Variants in STRN observed in about 807,000 individuals in gnomAD.
STRN encodes striatin.
Under a neutral mutation model 96.3 loss-of-function variants are expected in STRN, and 53 were observed. The ratio of observed to expected loss-of-function variants is 0.55; its 90% confidence interval spans 0.44 to 0.69. The LOEUF (loss-of-function observed/expected upper bound fraction) is 0.69, where lower values mean the gene tolerates loss of function less well. Ranked by LOEUF, STRN falls within the 30% of genes least tolerant of loss-of-function variation. The pLI is 0.00. For synonymous variants in STRN, 428 were observed against 355.9 expected, an observed-to-expected ratio of 1.20 and a Z score of -2.28; for missense variants, 987 against 963.9, an observed-to-expected ratio of 1.02 and a Z score of -0.32.
chr2:36,929,392 T>C (rs899300764), intron 1 of STRN, among the ~76,000 whole-genome samples: 7 of 152,136 alleles, frequency 4.6e-5, no homozygotes, highest in African/African-American at 1.4e-4. Context: ...CACCCCTTTT[T>C]TTTTCTTTTG....
intron 11 of STRN, among the ~76,000 whole-genome samples, chr2:36,868,713 C>A (rs1193164498): frequency 6.6e-6 from 1 of 152,176 alleles, no homozygotes; most frequent in Admixed American, 6.5e-5. Context: ...CTATGTATGA[C>A]ACAGCATGAA....
chr2:36,922,370 T>C (rs1670283279), intron 2 of STRN, among the ~76,000 whole-genome samples: 1 of 151,698 alleles, frequency 6.6e-6, no homozygotes, highest in African/African-American at 2.4e-5. Flanking sequence ...AATTAAAAAT[T>C]TATCTGTGTG....
rs193259935 is a variant in STRN at position 36,868,054 on chromosome 2, A to G, written c.1500-193T>C. ...CAAGAAACAAGATTCTTGTTTAGTAATAATATCATGTTACAGTATTTTTAG... is the reference window on the plus strand; with the variant it reads ...CAAGAAACAAGATTCTTGTTTAGTAGTAATATCATGTTACAGTATTTTTAG... On this transcript the variant is annotated intron_variant, in intron 11 of 17. Coordinates refer to ENST00000263918, the MANE Select transcript of STRN (RefSeq NM_003162.4). 1.6e-3 allele frequency among the ~76,000 whole-genome samples: 248 copies of G among 152,356 alleles called. 1 individual carries two copies. The highest frequency in any genetic ancestry group is 3.0e-3 in the Non-Finnish European group (201 of 68,018).
intron 1 of STRN, among the ~76,000 whole-genome samples, chr2:36,956,391 T>C (rs1386867851): frequency 6.6e-6 from 1 of 152,312 alleles, no homozygotes; most frequent in Middle Eastern, 3.4e-3. Flanking sequence ...ATGAAAGTGA[T>C]AGAGATGTCT....
chr2:36,905,580 T>C lies in STRN; in HGVS notation c.451A>G (p.Ser151Gly). Residue 151 changes from serine to glycine, a missense_variant, in exon 4 of 18, where the codon AGC (serine) becomes GGC (glycine). Physicochemically the swap from Ser to Gly is moderately conservative, Grantham distance 56 (BLOSUM62 0). Coordinates refer to ENST00000263918, the MANE Select transcript of STRN (RefSeq NM_003162.4). Reference sequence around the variant, plus strand: ...CGACCTTGTTTCCACATTAACTGGCTGTTTTGTTGTGGCTGCACTTCTGTT... The same window carrying C: ...CGACCTTGTTTCCACATTAACTGGCCGTTTTGTTGTGGCTGCACTTCTGTT... ...NETEVQPQQN[S>G]QLMWKQGRQL... is the part of the protein sequence containing the mutation. 1 of 1,613,492 alleles carries C rather than the reference T, an allele frequency of 6.2e-7. No homozygotes were observed. The highest frequency in any genetic ancestry group is 8.5e-7 in the Non-Finnish European group (1 of 1,179,910).
intron 2 of STRN, among the ~76,000 whole-genome samples, chr2:36,916,418 C>T (rs1306634627): frequency 1.3e-5 from 2 of 150,886 alleles, no homozygotes; most frequent in East Asian, 1.9e-4. Context: ...ACAAAATGAA[C>T]GATATAACAT....
At chr2:36,861,631 T>C (rs1467671642) in intron 12 of STRN, among the ~76,000 whole-genome samples, 1 of 152,280 alleles carries the variant, frequency 6.6e-6, no homozygotes, top group African/African-American at 2.4e-5. Flanking sequence ...ATTATGTGAC[T>C]CTTTATATAA....
At chr2:36,923,551 T>C (rs1670320303) in intron 2 of STRN, among the ~76,000 whole-genome samples, 1 of 152,096 alleles carries the variant, frequency 6.6e-6, no homozygotes, top group Non-Finnish European at 1.5e-5. Flanking sequence ...TTTCCCAAAG[T>C]ATGAAAAGAA....
chr2:36,951,477 C>T (rs1041283245), intron 1 of STRN, among the ~76,000 whole-genome samples: 1 of 152,220 alleles, frequency 6.6e-6, no homozygotes, highest in Non-Finnish European at 1.5e-5. Flanking sequence ...AGATACACTG[C>T]TCGCCTAAAA....
intron 12 of STRN, among the ~76,000 whole-genome samples, chr2:36,866,168 G>A (rs931824437): frequency 2.6e-5 from 4 of 151,938 alleles, no homozygotes; most frequent in Admixed American, 6.6e-5. Flanking sequence ...TCCACCTCCC[G>A]GGCTCAATTC....
intron 1 of STRN, among the ~76,000 whole-genome samples, chr2:36,927,614 A>G (rs960809173): frequency 4.0e-5 from 6 of 151,164 alleles, no homozygotes; most frequent in Non-Finnish European, 7.4e-5. Flanking sequence ...GGATAGCTTG[A>G]GGCTGGAGTT....
intron 1 of STRN, among the ~76,000 whole-genome samples, chr2:36,925,541 C>A (rs1395376473): frequency 6.6e-6 from 1 of 152,092 alleles, no homozygotes; most frequent in Non-Finnish European, 1.5e-5. Flanking sequence ...CTTTGGGAGG[C>A]TGAGGCGGGT....
intron 7 of STRN, among the ~76,000 whole-genome samples, chr2:36,890,599 T>G (rs1278178575): frequency 6.8e-6 from 1 of 147,976 alleles, no homozygotes; most frequent in Non-Finnish European, 1.5e-5. Context: ...TTCTCCTACC[T>G]CAGCCTCCCG....
Position 36,924,463 on chromosome 2 carries a change from G to GA in STRN, c.338+641dup, listed in dbSNP as rs1670356431. Among the ~76,000 whole-genome samples, 6 of 151,532 alleles carry GA rather than the reference G, an allele frequency of 4.0e-5. 1 individual carries two copies. In the South Asian group the frequency reaches 1.3e-3, roughly 32 times the overall value. On this transcript the variant is annotated intron_variant, in intron 2 of 17. Coordinates refer to ENST00000263918, the MANE Select transcript of STRN (RefSeq NM_003162.4). ...GAATAATATTAAATGACAGGAAAAGGAAACACTATAGAAATTTCCTTTAAA... is the reference window on the plus strand; with the variant it reads ...GAATAATATTAAATGACAGGAAAAGGAAAACACTATAGAAATTTCCTTTAAA...
intron 9 of STRN, among the ~76,000 whole-genome samples, chr2:36,881,429 G>A (rs1028723738): frequency 2.0e-5 from 3 of 151,806 alleles, no homozygotes; most frequent in Admixed American, 6.6e-5. Flanking sequence ...AACTGCACCC[G>A]GCCCTGCCTT....
At chr2:36,949,231 A>G (rs1216790454) in intron 1 of STRN, among the ~76,000 whole-genome samples, 1 of 152,234 alleles carries the variant, frequency 6.6e-6, no homozygotes, top group African/African-American at 2.4e-5. Flanking sequence ...AGCAGGCTAT[A>G]CCATCTAGGG....
chr2:36,942,757 G>A (rs1374081835), intron 1 of STRN, among the ~76,000 whole-genome samples: 3 of 151,886 alleles, frequency 2.0e-5, no homozygotes, highest in Non-Finnish European at 2.9e-5. Context: ...GTGCAGTGGC[G>A]TGATCTCAGC....
chr2:36,950,941 A>T (rs1215473579), intron 1 of STRN, among the ~76,000 whole-genome samples: 2 of 152,194 alleles, frequency 1.3e-5, no homozygotes, highest in African/African-American at 4.8e-5. Context: ...ATTTATTTTA[A>T]AAAGCAGAGT....
chr2:36,935,114 A>T (rs750418892), intron 1 of STRN, among the ~76,000 whole-genome samples: 34 of 152,214 alleles, frequency 2.2e-4, no homozygotes, highest in African/African-American at 6.7e-4. Context: ...TTATATTTTT[A>T]AAAAAATAAG....
Sources: allele counts gnomAD v4.1 joint callset (sites outside exome capture counted in the v4.1 genomes callset), GRCh38; gene constraint gnomAD v4.1.1; transcripts MANE v1.5; gene names NCBI Gene and HGNC (gene_info 2026-07-23, HGNC 2026-07-21).